Variants in CLEC12A observed in about 807,000 individuals in gnomAD.
The protein encoded by CLEC12A is C-type lectin domain family 12 member A.
Under a neutral mutation model 26.5 loss-of-function variants are expected in CLEC12A, and 22 were observed. The observed-to-expected ratio is 0.83, with a 90% confidence interval of 0.59 to 1.19. The LOEUF (loss-of-function observed/expected upper bound fraction) is 1.19. Among genes scored for constraint, CLEC12A ranks in the 50% most tolerant of loss-of-function variants. CLEC12A has a pLI of 0.00. For synonymous variants in CLEC12A, 119 were observed against 101.9 expected, an observed-to-expected ratio of 1.17 and a Z score of -1.01; for missense variants, 353 against 315.6, an observed-to-expected ratio of 1.12 and a Z score of -0.90.
At chr12:9,980,435 C>CA (rs369232917) in intron 3 of CLEC12A, 147 bp from the exon 4 acceptor site, 54,579 of 621,924 alleles carry the variant, frequency 0.088, 81 homozygotes, top group East Asian at 0.11. Flanking sequence ...AAGACTCTGT[C>CA]AAAAAAAAAA....
chr12:9,985,067 G>T lies in CLEC12A; in HGVS notation c.*41G>T. On this transcript the variant is annotated 3_prime_UTR_variant, in exon 6 of 6. Transcript: ENST00000304361. ...CATTTAAGGAGTGTAGGGGGTGGGGGTTCTAGGCTATAGGTAAATTTAAAT... is the reference window on the plus strand; with the variant it reads ...CATTTAAGGAGTGTAGGGGGTGGGGTTTCTAGGCTATAGGTAAATTTAAAT... 7.3e-7 allele frequency: 1 copy of T among 1,367,810 alleles called. No individual in the cohort carries two copies. The highest frequency in any genetic ancestry group is 9.4e-7 in the Non-Finnish European group (1 of 1,061,196). The allele number at this position is 1,367,810 out of a possible 1,614,324, so 84.7% of individuals were successfully genotyped here.
At chr12:9,952,285 G>A (rs1397515614) in intron 1 of CLEC12A, among the ~76,000 whole-genome samples, 2 of 149,660 alleles carry the variant, frequency 1.3e-5, no homozygotes, top group Non-Finnish European at 3.0e-5. Context: ...CAACCTCCCT[G>A]CCTGATTCTC....
chr12:9,967,286 A>G (rs969967442), upstream of CLEC12A, among the ~76,000 whole-genome samples: 1 of 99,014 alleles, frequency 1.0e-5, no homozygotes, highest in African/African-American at 3.9e-5. Context: ...CTAGGGAGGG[A>G]CCAATGTGTA....
intron 4 of CLEC12A, chr12:9,993,409 A>AAC (rs1864944879): frequency 1.3e-6 from 1 of 745,388 alleles, no homozygotes; most frequent in South Asian, 1.6e-5. Flanking sequence ...AAAAAAACAA[A>AAC]AAAAAAAACG....
intron 1 of CLEC12A, among the ~76,000 whole-genome samples, chr12:9,976,501 C>T (rs919428191): frequency 2.6e-5 from 4 of 152,158 alleles, no homozygotes; most frequent in South Asian, 2.1e-4. Context: ...TTGGAATGAC[C>T]GTATTTATCC....
chr12:9,981,476 C>G (rs1264419647), intron 4 of CLEC12A, among the ~76,000 whole-genome samples: 1 of 152,144 alleles, frequency 6.6e-6, no homozygotes, highest in Non-Finnish European at 1.5e-5. Flanking sequence ...AATCAACCCA[C>G]AATCTCTTCC....
downstream of CLEC12A, among the ~76,000 whole-genome samples, chr12:10,000,461 G>A (rs1865145323): frequency 6.6e-6 from 1 of 152,032 alleles, no homozygotes; most frequent in South Asian, 2.1e-4. Flanking sequence ...GCCAAACTTA[G>A]TATGATTCAA....
intron 1 of CLEC12A, among the ~76,000 whole-genome samples, chr12:9,958,270 C>G (rs565512822): frequency 3.9e-5 from 6 of 152,266 alleles, no homozygotes; most frequent in African/African-American, 1.4e-4. Flanking sequence ...ATACAGAACC[C>G]ACGGCTCACA....
downstream of CLEC12A, chr12:9,998,284 C>A (rs1343606030): frequency 6.2e-7 from 1 of 1,613,470 alleles, no homozygotes; most frequent in Non-Finnish European, 8.5e-7. Context: ...ACACTTACAC[C>A]AAATCCCCAG....
chr12:9,965,089 G>A (rs530468154), intron 1 of CLEC12A, among the ~76,000 whole-genome samples: 1 of 152,302 alleles, frequency 6.6e-6, no homozygotes, highest in Non-Finnish European at 1.5e-5. Flanking sequence ...GAGAACCGTA[G>A]AGAATGAGTT....
intron 1 of CLEC12A, among the ~76,000 whole-genome samples, chr12:9,978,285 T>C (rs1864415836): frequency 6.6e-6 from 1 of 152,166 alleles, no homozygotes; most frequent in African/African-American, 2.4e-5. Flanking sequence ...CCTGTTTTTT[T>C]TTTAAATAGA....
chr12:9,985,881 G>T, downstream of CLEC12A: 1 of 166,048 alleles, frequency 6.0e-6, no homozygotes, highest in Non-Finnish European at 1.3e-5. Context: ...TAATCGTTTA[G>T]AAAGCAACTA....
rs1001921322 is a variant in CLEC12A, at chr12:9,985,423, C to T, written c.*397C>T. On this transcript the variant is annotated 3_prime_UTR_variant, in exon 6 of 6. Coordinates refer to ENST00000304361, the MANE Select transcript of CLEC12A (RefSeq NM_138337.6). ...GCTAGGGTGGCATGGCTCCCCATCT[C>T]GGGTCCATCCTATACTTCCATGGGA... The T allele has an allele frequency of 2.5e-5, 10 of 400,562 alleles. No homozygotes were observed. The highest frequency in any genetic ancestry group is 4.0e-5 in the Non-Finnish European group (9 of 227,636). 24.8% of individuals were successfully genotyped at this position (400,562 alleles called of 1,614,324 possible).
At chr12:9,980,448 A>T in intron 3 of CLEC12A, 134 bp from the exon 4 acceptor site, 26 of 838,000 alleles carry the variant, frequency 3.1e-5, no homozygotes, top group Non-Finnish European at 4.4e-5. Context: ...AAAAAAAAAA[A>T]GGGGGAAAGA....
At chr12:9,968,684 C>A (rs61913540), upstream of CLEC12A, among the ~76,000 whole-genome samples, 1 of 152,002 alleles carries the variant, frequency 6.6e-6, no homozygotes, top group African/African-American at 2.4e-5. Flanking sequence ...GGCTCAGAGG[C>A]CTGACAATAA....
At chr12:9,982,385 A>G (rs901525713) in intron 5 of CLEC12A, among the ~76,000 whole-genome samples, 1 of 152,104 alleles carries the variant, frequency 6.6e-6, no homozygotes, top group African/African-American at 2.4e-5. Context: ...TATCTAAGAA[A>G]AATTGTGGAA....
chr12:9,970,976 G>A (rs1016790206), upstream of CLEC12A, among the ~76,000 whole-genome samples: 4 of 152,104 alleles, frequency 2.6e-5, no homozygotes, highest in Non-Finnish European at 4.4e-5. Flanking sequence ...ACCTCTCTTA[G>A]GCAAACCTAT....
At chr12:9,997,049 A>C, downstream of CLEC12A, 1 of 1,610,802 alleles carries the variant, frequency 6.2e-7, no homozygotes, top group Non-Finnish European at 8.5e-7. Flanking sequence ...AATTGGGCTT[A>C]CATTTTCTTC....
At chr12:9,963,636 T>C (rs983333823) in intron 1 of CLEC12A, among the ~76,000 whole-genome samples, 9 of 152,100 alleles carry the variant, frequency 5.9e-5, no homozygotes. Flanking sequence ...TTCGGTCCTA[T>C]TTGCAAATTG....
Sources: gnomAD v4.1 joint callset for allele counts (sites outside exome capture counted in the v4.1 genomes callset) on GRCh38, gnomAD v4.1.1 for gene constraint, MANE v1.5 for transcripts, NCBI Gene and HGNC (gene_info 2026-07-23, HGNC 2026-07-21) for gene names.